RIT2: variants seen among roughly 807,000 people sequenced by gnomAD.
RIT2 encodes the protein GTP-binding protein Rit2.
A neutral mutation model predicts 23.7 loss-of-function variants in RIT2; 24 were observed. The observed-to-expected ratio is 1.01, with a 90% CI of 0.73 to 1.43. The LOEUF is 1.43. Among genes scored for constraint, RIT2 ranks in the 40% most tolerant of loss-of-function variants. The pLI, the probability that RIT2 is intolerant of heterozygous loss-of-function variation, is 0.00. For missense variants in RIT2, 236 were observed against 266.9 expected (o/e 0.88, Z 0.81); for synonymous variants, 107 against 91.1 (o/e 1.17, Z -0.99).
chr18:42,874,764 T>C (rs1209000891), intron 4 of RIT2, among the ~76,000 whole-genome samples: 1 of 152,084 alleles, frequency 6.6e-6, no homozygotes, highest in Non-Finnish European at 1.5e-5. Context: ...GACTTTTTTT[T>C]AGGCACCAAC....
intron 1 of RIT2, among the ~76,000 whole-genome samples, chr18:43,098,330 T>G (rs1913603421): frequency 1.3e-5 from 2 of 151,722 alleles, no homozygotes; most frequent in Admixed American, 1.3e-4. Context: ...GAACCAGGGG[T>G]TTAGAAATCA....
intron 4 of RIT2, among the ~76,000 whole-genome samples, chr18:42,889,264 C>T (rs186010023): frequency 8.5e-4 from 130 of 152,192 alleles, no homozygotes; most frequent in Non-Finnish European, 1.6e-3. Flanking sequence ...AGAGATTCTA[C>T]TGATCCAAAA....
chr18:43,018,681 A>T (rs1911529920), intron 2 of RIT2, among the ~76,000 whole-genome samples: 1 of 151,988 alleles, frequency 6.6e-6, no homozygotes, highest in South Asian at 2.1e-4. Context: ...AAAACCTGCC[A>T]GCCAATAATA....
chr18:42,932,522 T>G (rs563819056), intron 3 of RIT2, among the ~76,000 whole-genome samples: 1 of 152,308 alleles, frequency 6.6e-6, no homozygotes, highest in Admixed American at 6.5e-5. Flanking sequence ...CAGTTAATAT[T>G]GAATATGCCC....
At chr18:42,997,164 T>C (rs1003686952) in intron 2 of RIT2, among the ~76,000 whole-genome samples, 22 of 152,188 alleles carry the variant, frequency 1.4e-4, no homozygotes, top group African/African-American at 5.3e-4. Context: ...AGTTTTTCTC[T>C]CCCTTCTGAG....
At chr18:42,764,300 A>C (rs1256576393) in intron 4 of RIT2, among the ~76,000 whole-genome samples, 1 of 152,152 alleles carries the variant, frequency 6.6e-6, no homozygotes, top group Non-Finnish European at 1.5e-5. Flanking sequence ...CTCAGCTTTT[A>C]ATGATCTCTT....
intron 4 of RIT2, among the ~76,000 whole-genome samples, chr18:42,827,156 G>A (rs1281026591): frequency 2.0e-5 from 3 of 152,140 alleles, no homozygotes; most frequent in Admixed American, 1.3e-4. Flanking sequence ...CAGTATTTGT[G>A]CAAGAAAGAA....
At chr18:42,910,641 C>T (rs1031853648) in intron 4 of RIT2, among the ~76,000 whole-genome samples, 1 of 152,024 alleles carries the variant, frequency 6.6e-6, no homozygotes, top group Admixed American at 6.6e-5. Context: ...AGAAGAAGCA[C>T]CTGAATGTTG....
intron 1 of RIT2, among the ~76,000 whole-genome samples, chr18:43,100,397 T>C (rs894329861): frequency 6.6e-6 from 1 of 152,052 alleles, no homozygotes; most frequent in African/African-American, 2.4e-5. Context: ...TAGTAGGACA[T>C]GAGATCACAG....
intron 4 of RIT2, among the ~76,000 whole-genome samples, chr18:42,918,873 T>C (rs570816817): frequency 6.1e-4 from 93 of 152,288 alleles, no homozygotes; most frequent in African/African-American, 1.9e-3. Context: ...ATTCACCTTA[T>C]CTTTCTTACT....
chr18:42,833,041 G>A (rs1418614341), intron 4 of RIT2, among the ~76,000 whole-genome samples: 1 of 123,580 alleles, frequency 8.1e-6, no homozygotes, highest in Non-Finnish European at 1.6e-5. Context: ...GTGACTGAGT[G>A]AGACTTCATC....
chr18:42,812,934 T>C (rs954071924), intron 4 of RIT2, among the ~76,000 whole-genome samples: 12 of 152,204 alleles, frequency 7.9e-5, no homozygotes, highest in African/African-American at 2.9e-4. Flanking sequence ...AATTAAACTA[T>C]TAAGTTTCTA....
rs74456967 is a variant in RIT2, at chr18:42,832,565, T to A, written c.427-88845A>T. On this transcript the variant is annotated intron_variant, in intron 4 of 4. Transcript: ENST00000326695. ...TCTATTGATGTACAATTTTTGTACA[T>A]ATTTATGGGGTACACATATTTTGAC... Among the ~76,000 whole-genome samples the A allele has an allele frequency of 3.2e-4, 49 of 152,308 alleles. 1 individual carries two copies. In the East Asian group the frequency reaches 9.1e-3, roughly 28 times the overall value.
chr18:43,027,894 A>T (rs1024324110), intron 2 of RIT2, among the ~76,000 whole-genome samples: 3 of 152,036 alleles, frequency 2.0e-5, no homozygotes, highest in African/African-American at 7.2e-5. Context: ...TGACCATAGA[A>T]ATCTAACTTA....
rs558324066 is a variant in RIT2 at position 43,065,045 on chromosome 18, C to T, written c.104-31178G>A. ...ATGTTGGCCAGGCTGGTCTCAAACT[C>T]CTGGCCTCATGATCTGCCCGCCTCA... On this transcript the variant is annotated intron_variant, in intron 1 of 4. Coordinates refer to ENST00000326695, the MANE Select transcript of RIT2 (RefSeq NM_002930.4). Among the ~76,000 whole-genome samples the T allele has an allele frequency of 3.7e-4, 56 of 151,950 alleles. 1 individual carries two copies. The South Asian group carries it at 0.011, about 31-fold the overall frequency.
At chr18:42,948,114 C>T (rs1909768736) in intron 3 of RIT2, among the ~76,000 whole-genome samples, 1 of 152,010 alleles carries the variant, frequency 6.6e-6, no homozygotes, top group South Asian at 2.1e-4. Context: ...AAATGTGGCA[C>T]ATATAATATG....
intron 1 of RIT2, among the ~76,000 whole-genome samples, chr18:43,076,393 T>C (rs2144341710): frequency 6.6e-6 from 1 of 152,192 alleles, no homozygotes; most frequent in Non-Finnish European, 1.5e-5. Flanking sequence ...ATCTACTAAA[T>C]GTCAAGCTTG....
intron 2 of RIT2, among the ~76,000 whole-genome samples, chr18:42,998,346 A>G (rs377550827): frequency 3.3e-5 from 5 of 152,170 alleles, no homozygotes; most frequent in African/African-American, 1.2e-4. Context: ...CACTTTGCTC[A>G]TAAGTAGAGA....
At chr18:42,936,849 T>C (rs1444797395) in intron 3 of RIT2, among the ~76,000 whole-genome samples, 1 of 152,006 alleles carries the variant, frequency 6.6e-6, no homozygotes, top group Non-Finnish European at 1.5e-5. Flanking sequence ...CCGTCTCTAC[T>C]AAATATACAA....
Sources: gnomAD v4.1 joint callset for allele counts (sites outside exome capture counted in the v4.1 genomes callset) on GRCh38, gnomAD v4.1.1 for gene constraint, MANE v1.5 for transcripts, NCBI Gene and HGNC (gene_info 2026-07-23, HGNC 2026-07-21) for gene names.